Variants in DCTN5 observed in about 807,000 individuals in gnomAD.
DCTN5 encodes dynactin subunit 5, also known as dynactin 4.
DCTN5 carries 14 observed loss-of-function variants against 23.5 expected under a neutral mutation model. The observed-to-expected ratio is 0.60, with a 90% CI of 0.39 to 0.93. The LOEUF (loss-of-function observed/expected upper bound fraction) is 0.93, where lower values mean the gene tolerates loss of function less well. Among genes scored for constraint, DCTN5 ranks in the 40% least tolerant of loss-of-function variants. The probability of loss-of-function intolerance (pLI) is 0.00; values close to 1 mark genes in which losing one functional copy is unlikely to be tolerated. For missense variants in DCTN5, 156 were observed against 225.9 expected, an observed-to-expected ratio of 0.69 and a Z score of 1.98; for synonymous variants, 67 against 79.6, an observed-to-expected ratio of 0.84 and a Z score of 0.84.
chr16:23,645,977 G>A (rs546628239), intron 2 of DCTN5, among the ~76,000 whole-genome samples: 27 of 152,274 alleles, frequency 1.8e-4, no homozygotes, highest in African/African-American at 6.3e-4. Flanking sequence ...CAAATGGTGA[G>A]TCTATGTTTA....
chr16:23,666,027 G>C (rs1567234072), intron 5 of DCTN5: 3 of 321,322 alleles, frequency 9.3e-6, no homozygotes, highest in African/African-American at 2.1e-5. Context: ...AGTGATTTGA[G>C]GGGTGATACT....
At chr16:23,662,584 T>G (rs113968926) in intron 4 of DCTN5, among the ~76,000 whole-genome samples, 4,261 of 152,330 alleles carry the variant, frequency 0.028, 86 homozygotes, top group Middle Eastern at 0.095. Flanking sequence ...GCCAGCTCTC[T>G]GCCCTGGATA....
Position 23,665,650 on chromosome 16 carries a change from T to G in DCTN5, c.373T>G (p.Cys125Gly). The change falls in exon 5 of 6, where the codon TGC (cysteine) becomes GGC (glycine). Residue 125 changes from cysteine (C) to glycine (G), a missense_variant. By Grantham distance (159) the Cys-to-Gly change is radical. Coordinates refer to ENST00000300087, the MANE Select transcript of DCTN5 (RefSeq NM_032486.4). ...VIGRRCVLKD[C>G]CKILDNTVLP... ...GGGGCGCCGATGTGTGTTGAAAGAC[T>G]GCTGCAAAATTCTTGACAACACAGT... 1 of 1,613,992 alleles carries G rather than the reference T, an allele frequency of 6.2e-7. No individual in the cohort carries two copies. The highest frequency in any genetic ancestry group is 1.1e-5 in the South Asian group (1 of 91,018).
At position 23,669,261 on chromosome 16, in the gene DCTN5, G is replaced by C. The variant is rs1967962724; in HGVS notation, c.*2117G>C. ...TCACTTGGGGCAGAGGGAATTTAATGGCTCACGTAGCTGAAAAGGATGGGC... is the reference window on the plus strand; with the variant it reads ...TCACTTGGGGCAGAGGGAATTTAATCGCTCACGTAGCTGAAAAGGATGGGC... On this transcript the variant is annotated 3_prime_UTR_variant, in exon 6 of 6. Transcript: ENST00000300087. 1 of 152,256 alleles carries C rather than the reference G, an allele frequency of 6.6e-6. No individual in the cohort carries two copies. The highest frequency in any genetic ancestry group is 1.5e-5 in the Non-Finnish European group (1 of 68,054). The allele number at this position is 152,256 out of a possible 1,614,324, so 9.4% of individuals were successfully genotyped here. A position where few individuals can be genotyped will look rare whatever the true frequency, so the allele number is the denominator to read the frequency against.
At position 23,674,793 on chromosome 16, in the gene DCTN5, A is replaced by G. The variant is rs1968064277; in HGVS notation, c.*7649A>G. On this transcript the variant is annotated 3_prime_UTR_variant, in exon 6 of 6. Coordinates refer to ENST00000300087, the MANE Select transcript of DCTN5 (RefSeq NM_032486.4). ...TACCACAAACTGAGTGACTTACACA[A>G]TAGAAACTTATTTTCCTGCAGTTCT... is the stretch of plus-strand genomic sequence containing the variant. 1 of 152,222 alleles carries G rather than the reference A, an allele frequency of 6.6e-6. No homozygotes were observed. The highest frequency in any genetic ancestry group is 1.9e-4 in the East Asian group (1 of 5,194). 9.4% of individuals were successfully genotyped at this position (152,222 alleles called of 1,614,324 possible).
chr16:23,650,907 A>C (rs1405844282), intron 2 of DCTN5: 2 of 1,398,134 alleles, frequency 1.4e-6, no homozygotes, highest in South Asian at 2.5e-5. Flanking sequence ...ATCTAAGCCC[A>C]AGCTGGTTGT....
At chr16:23,641,612 T>G (rs1303104966) in intron 1 of DCTN5, 22 bp downstream of exon 1, 4 of 1,613,580 alleles carry the variant, frequency 2.5e-6, no homozygotes, top group Non-Finnish European at 3.4e-6. Context: ...CAGATATGTA[T>G]CCTCCTCTTT....
In DCTN5 at chr16:23,672,577, G is replaced by C. The variant is rs1184970537; in HGVS notation, c.*5433G>C. On this transcript the variant is annotated 3_prime_UTR_variant, in exon 6 of 6. Transcript: ENST00000300087. ...GATTTAGGACTTGCCAGACAAACAA[G>C]GCCCAAGAGGCAAGTGTGCAGGTGG... The C allele has an allele frequency of 6.6e-6, 1 of 152,228 alleles. No individual in the cohort carries two copies. The highest frequency in any genetic ancestry group is 1.5e-5 in the Non-Finnish European group (1 of 68,044). 9.4% of individuals were successfully genotyped at this position (152,228 alleles called of 1,614,324 possible). A position where few individuals can be genotyped will look rare whatever the true frequency, so the allele number is the denominator to read the frequency against.
chr16:23,658,568 A>G lies in DCTN5; in HGVS notation c.179A>G (p.His60Arg), dbSNP rs759276671. The part of the protein sequence containing the change: ...GDLANVRVGR[H>R]CVVKSRSVIR... The stretch of plus-strand genomic sequence containing the variant: ...CTGGCAAATGTAAGAGTTGGACGTC[A>G]TTGTGTTGTGAAAAGTCGTAGTGTC... Residue 60 changes from histidine (H) to arginine (R), a missense_variant, in exon 3 of 6, where the codon CAT becomes CGT. By Grantham distance (29) the His-to-Arg change is conservative. Around this residue, in one of 2 missense-constraint regions of DCTN5, gnomAD observed 153 missense variants for 206.8 expected, o/e 0.74. Transcript: ENST00000300087. The G allele has an allele frequency of 1.9e-6, 3 of 1,614,206 alleles. No homozygotes were observed. The highest frequency in any genetic ancestry group is 8.5e-7 in the Non-Finnish European group (1 of 1,180,022).
chr16:23,663,273 A>C (rs1320917838), intron 4 of DCTN5, among the ~76,000 whole-genome samples: 1 of 152,240 alleles, frequency 6.6e-6, no homozygotes, highest in Non-Finnish European at 1.5e-5. Context: ...ACCTCCCTGC[A>C]GATTTGGTTT....
At position 23,675,610 on chromosome 16, in the gene DCTN5, T is replaced by C. The variant is rs1968074316; in HGVS notation, c.*8466T>C. 6.6e-6 allele frequency: 1 copy of C among 151,932 alleles called. No individual in the cohort carries two copies. The highest frequency in any genetic ancestry group is 2.4e-5 in the African/African-American group (1 of 41,352). The allele number at this position is 151,932 out of a possible 1,614,324, so 9.4% of individuals were successfully genotyped here. On this transcript the variant is annotated 3_prime_UTR_variant, in exon 6 of 6. Coordinates refer to ENST00000300087, the MANE Select transcript of DCTN5 (RefSeq NM_032486.4). The stretch of plus-strand genomic sequence containing the variant: ...GTAAGAGATGGTTGAAAAAATGCAA[T>C]GTTATGATTGCTGAACAGGGCACGA...
intron 2 of DCTN5, among the ~76,000 whole-genome samples, chr16:23,648,908 A>C (rs896375955): frequency 6.6e-6 from 1 of 152,034 alleles, no homozygotes; most frequent in African/African-American, 2.4e-5. Context: ...CCCATGCTGG[A>C]GTGCAGTGGC....
rs1967959046 is a variant in DCTN5, at chr16:23,669,091, T to C, written c.*1947T>C. 6.5e-6 allele frequency: 1 copy of C among 152,680 alleles called. No homozygotes were observed. The highest frequency in any genetic ancestry group is 2.1e-4 in the South Asian group (1 of 4,830). The allele number at this position is 152,680 out of a possible 1,614,324, so 9.5% of individuals were successfully genotyped here. ...AAAGGCGAGCTGGACTCTGTCTCCA[T>C]GGTGGCTCTCACCCCAGGGACCTAG... On this transcript the variant is annotated 3_prime_UTR_variant, in exon 6 of 6. Transcript: ENST00000300087.
chr16:23,650,016 T>C (rs1967565977), intron 2 of DCTN5, among the ~76,000 whole-genome samples: 1 of 152,054 alleles, frequency 6.6e-6, no homozygotes, highest in African/African-American at 2.4e-5. Flanking sequence ...GCTATAGATA[T>C]GTGGATTAAT....
At chr16:23,648,413 G>A (rs763562256) in intron 2 of DCTN5, among the ~76,000 whole-genome samples, 31 of 146,874 alleles carry the variant, frequency 2.1e-4, no homozygotes, top group East Asian at 4.0e-4. Context: ...GCAGTGGTGC[G>A]ATATCAACTC....
intron 1 of DCTN5, among the ~76,000 whole-genome samples, chr16:23,642,266 T>A (rs1597108253): frequency 6.6e-6 from 1 of 152,176 alleles, no homozygotes; most frequent in Non-Finnish European, 1.5e-5. Flanking sequence ...CATGATATGT[T>A]TGTAAAATCT....
In DCTN5 at chr16:23,670,739, A is replaced by G. The variant is rs1967991308; in HGVS notation, c.*3595A>G. 6.6e-6 allele frequency: 1 copy of G among 152,198 alleles called. No individual in the cohort carries two copies. Among genetic ancestry groups the G allele is most frequent in the Non-Finnish European group, 1.5e-5 (1 of 68,042 alleles). The allele number at this position is 152,198 out of a possible 1,614,324, so 9.4% of individuals were successfully genotyped here. A position where few individuals can be genotyped will look rare whatever the true frequency, so the allele number is the denominator to read the frequency against. On this transcript the variant is annotated 3_prime_UTR_variant, in exon 6 of 6. Transcript: ENST00000300087. ...CTGGTCTCAGCAAAATGTCTCGCCA[A>G]CTTCTACAGTTCCCATAAGTACATG...
intron 2 of DCTN5, among the ~76,000 whole-genome samples, chr16:23,658,062 C>G (rs755482405): frequency 1.3e-5 from 2 of 152,130 alleles, no homozygotes; most frequent in African/African-American, 2.4e-5. Flanking sequence ...GGGAGATGAA[C>G]CAGAACTCCA....
intron 2 of DCTN5, 68 bp from the exon 3 acceptor site, chr16:23,658,439 T>A (rs2140983024): frequency 1.0e-6 from 1 of 995,884 alleles, no homozygotes; most frequent in East Asian, 2.4e-5. Context: ...AGTATCTCGT[T>A]ATCTACTCTT....
Sources: allele counts gnomAD v4.1 joint callset (sites outside exome capture counted in the v4.1 genomes callset), GRCh38; gene constraint gnomAD v4.1.1; regional missense constraint gnomAD v4.1.1; transcripts MANE v1.5; gene names NCBI Gene and HGNC (gene_info 2026-07-23, HGNC 2026-07-21).